Variants in DGLUCY observed in about 807,000 individuals in gnomAD.
DGLUCY encodes the protein D-glutamate cyclase, mitochondrial.
DGLUCY carries 58 observed loss-of-function variants against 58.5 expected under a neutral mutation model. The ratio of observed to expected loss-of-function variants is 0.99; its 90% confidence interval spans 0.80 to 1.23. The LOEUF is 1.23. DGLUCY is among the 50% of genes most tolerant of loss of function. The pLI is 0.00. For synonymous variants in DGLUCY, 325 were observed against 314.1 expected (o/e 1.03, Z -0.37); for missense variants, 779 against 784.7 (o/e 0.99, Z 0.09).
At chr14:91,183,138 G>A (rs2049288798) in intron 8 of DGLUCY, among the ~76,000 whole-genome samples, 1 of 151,522 alleles carries the variant, frequency 6.6e-6, no homozygotes, top group South Asian at 2.1e-4. Context: ...ACTACAGGCC[G>A]GCACCACCAT....
At chr14:91,168,499 C>A (rs891125139) in intron 4 of DGLUCY, among the ~76,000 whole-genome samples, 2 of 152,100 alleles carry the variant, frequency 1.3e-5, no homozygotes, top group Non-Finnish European at 2.9e-5. Context: ...CATGATTGTA[C>A]CTTTACATTT....
intron 8 of DGLUCY, 54 bp from the exon 9 acceptor site, chr14:91,188,856 T>TA: frequency 6.6e-7 from 1 of 1,526,250 alleles, no homozygotes; most frequent in African/African-American, 1.4e-5. Context: ...CATACATACA[T>TA]ACAAATAATT....
rs1485676513 is a variant in DGLUCY, at chr14:91,169,988, C to G, written c.258-15C>G. On this transcript the variant is annotated splice_polypyrimidine_tract_variant and intron_variant, in intron 4 of 13. Transcript: ENST00000256324. ...AGAGTCTGGGGCCCTCCCAGCTTTC[C>G]CCTTATGTCCCCAGGATGGGCCATC... 1.9e-6 allele frequency: 3 copies of G among 1,611,356 alleles called. No homozygotes were observed. The highest frequency in any genetic ancestry group is 2.5e-6 in the Non-Finnish European group (3 of 1,179,406).
intron 1 of DGLUCY, among the ~76,000 whole-genome samples, chr14:91,115,630 G>A (rs974861390): frequency 1.3e-5 from 2 of 152,170 alleles, no homozygotes; most frequent in Admixed American, 6.5e-5. Flanking sequence ...TGCCATGTTA[G>A]CCAGGCTGAG....
upstream of DGLUCY, among the ~76,000 whole-genome samples, chr14:91,104,851 T>G (rs2044562089): frequency 6.6e-6 from 1 of 152,226 alleles, no homozygotes; most frequent in South Asian, 2.1e-4. Context: ...TAGCCACAAT[T>G]TCTCCTTTGT....
intron 1 of DGLUCY, among the ~76,000 whole-genome samples, chr14:91,120,319 C>T (rs1255661305): frequency 6.6e-6 from 1 of 152,186 alleles, no homozygotes; most frequent in African/African-American, 2.4e-5. Context: ...AAACCAAATT[C>T]CTCATCAGTC....
intron 1 of DGLUCY, among the ~76,000 whole-genome samples, chr14:91,091,417 G>T (rs1245079377): frequency 6.6e-6 from 1 of 152,156 alleles, no homozygotes; most frequent in Non-Finnish European, 1.5e-5. Flanking sequence ...AGCTACTTGG[G>T]AGGCTGAGGC....
At chr14:91,083,578 C>T (rs879638708) in intron 1 of DGLUCY, among the ~76,000 whole-genome samples, 1 of 151,946 alleles carries the variant, frequency 6.6e-6, no homozygotes, top group African/African-American at 2.4e-5. Context: ...GTCTCCACGC[C>T]TGACCCAGAT....
intron 9 of DGLUCY, among the ~76,000 whole-genome samples, chr14:91,190,212 C>T (rs980705663): frequency 2.0e-5 from 3 of 151,896 alleles, no homozygotes; most frequent in Non-Finnish European, 4.4e-5. Context: ...TGGTCTCGAT[C>T]TCCTGACCTC....
At chr14:91,094,206 G>C (rs970969906) in intron 1 of DGLUCY, among the ~76,000 whole-genome samples, 2 of 151,812 alleles carry the variant, frequency 1.3e-5, no homozygotes, top group African/African-American at 4.8e-5. Context: ...GGAGGCTGAG[G>C]TGGGTGAATC....
chr14:91,066,976 G>A (rs1157470015), intron 1 of DGLUCY, among the ~76,000 whole-genome samples: 1 of 151,288 alleles, frequency 6.6e-6, no homozygotes, highest in East Asian at 1.9e-4. Flanking sequence ...AGCTACTTGG[G>A]AGGCTGAGAC....
At chr14:91,154,253 G>A (rs1248291564) in intron 1 of DGLUCY, among the ~76,000 whole-genome samples, 1 of 152,176 alleles carries the variant, frequency 6.6e-6, no homozygotes, top group Non-Finnish European at 1.5e-5. Flanking sequence ...ATCAATCTAT[G>A]TGTGAGATTG....
intron 1 of DGLUCY, among the ~76,000 whole-genome samples, chr14:91,152,512 C>T (rs1035874105): frequency 2.6e-5 from 4 of 152,114 alleles, no homozygotes; most frequent in African/African-American, 9.7e-5. Context: ...CCAGCATTTC[C>T]CCAATCTTGT....
At chr14:91,080,622 G>T (rs1290756167) in intron 1 of DGLUCY, among the ~76,000 whole-genome samples, 1 of 152,046 alleles carries the variant, frequency 6.6e-6, no homozygotes, top group Admixed American at 6.6e-5. Flanking sequence ...GCCCACCTTG[G>T]CTTCCCAAAG....
rs138293042 is a variant in DGLUCY, at chr14:91,204,753, G to C, written c.1492G>C (p.Ala498Pro). The change falls in exon 12 of 14, where the codon GCT (alanine) becomes CCT (proline). Residue 498 changes from alanine (A) to proline (P), a missense_variant. Ala to Pro is a conservative substitution (Grantham distance 27). Coordinates refer to ENST00000256324, the MANE Select transcript of DGLUCY (RefSeq NM_001102368.3). ...GCTTGGGATGGGTAAAGTCAAGGAG[G>C]CTGTGAGGAGGCACATACGGCACGG... is the stretch of plus-strand genomic sequence containing the variant. ...NELGMGKVKE[A>P]VRRHIRHGDV... is the part of the protein sequence containing the mutation. 6 of 1,614,016 alleles carry C rather than the reference G, an allele frequency of 3.7e-6. No individual in the cohort carries two copies. In the East Asian group the frequency reaches 1.3e-4, roughly 36 times the overall value.
intron 1 of DGLUCY, among the ~76,000 whole-genome samples, chr14:91,154,720 A>G (rs1054462506): frequency 7.9e-5 from 12 of 152,106 alleles, no homozygotes; most frequent in African/African-American, 2.9e-4. Flanking sequence ...TCATCTGCCA[A>G]CTTTGCGCTT....
chr14:91,142,037 G>C (rs1478434951), intron 1 of DGLUCY, among the ~76,000 whole-genome samples: 1 of 151,824 alleles, frequency 6.6e-6, no homozygotes, highest in Non-Finnish European at 1.5e-5. Context: ...GTAGAGACGA[G>C]GTTTCATCAT....
At chr14:91,207,472 C>G (rs1371108887) in intron 12 of DGLUCY, among the ~76,000 whole-genome samples, 1 of 152,146 alleles carries the variant, frequency 6.6e-6, no homozygotes, top group African/African-American at 2.4e-5. Flanking sequence ...GAAGCAATAG[C>G]AAATGAGAAT....
intron 1 of DGLUCY, among the ~76,000 whole-genome samples, chr14:91,128,350 A>G (rs939501046): frequency 3.4e-4 from 51 of 150,404 alleles, no homozygotes; most frequent in Non-Finnish European, 1.8e-4. Flanking sequence ...TTAGCCGGGC[A>G]TGGGGGTGGT....
Sources: allele counts gnomAD v4.1 joint callset (sites outside exome capture counted in the v4.1 genomes callset), GRCh38; gene constraint gnomAD v4.1.1; transcripts MANE v1.5; gene names NCBI Gene and HGNC (gene_info 2026-07-23, HGNC 2026-07-21).